The following KIRREL3 variants were observed in gnomAD, a reference collection of about 807,000 sequenced individuals.
KIRREL3 encodes kirre like nephrin family adhesion molecule 3.
A neutral mutation model predicts 89.7 loss-of-function variants in KIRREL3; 36 were observed. The observed-to-expected ratio is 0.40, with a 90% confidence interval of 0.31 to 0.53. The LOEUF is 0.53. KIRREL3 is among the 20% of genes least tolerant of loss of function. KIRREL3 has a pLI of 0.49. For missense variants in KIRREL3, 864 were observed against 1,056.6 expected, an observed-to-expected ratio of 0.82 and a Z score of 2.53; for synonymous variants, 445 against 441.4, an observed-to-expected ratio of 1.01 and a Z score of -0.10.
intron 1 of KIRREL3, among the ~76,000 whole-genome samples, chr11:126,959,783 T>C (rs1949029143): frequency 7.1e-6 from 1 of 140,498 alleles, no homozygotes; most frequent in Non-Finnish European, 1.6e-5. Flanking sequence ...GGGCCACCTC[T>C]TCTACACTCT....
At chr11:126,886,667 T>A (rs570878165) in intron 1 of KIRREL3, among the ~76,000 whole-genome samples, 1 of 152,304 alleles carries the variant, frequency 6.6e-6, no homozygotes, top group South Asian at 2.1e-4. Context: ...TAGAGCATTA[T>A]TGAACAGTTG....
chr11:126,744,091 T>C lies in KIRREL3; in HGVS notation c.56-181179A>G, dbSNP rs1488072661. ...AGAAAATGTTCCAGAAAGTTGGGAC[T>C]AGCCAAGGGGCAGAGGGCCCAGGAA... On this transcript the variant is annotated intron_variant, in intron 1 of 16. Transcript: ENST00000525144. This position sits in a 1 kb window ranked among gnomAD's most constrained non-coding sequence, Gnocchi z 4.7. Among the ~76,000 whole-genome samples the C allele has an allele frequency of 1.2e-4, 18 of 152,294 alleles. No homozygotes were observed. Among genetic ancestry groups the C allele is most frequent in the African/African-American group, 3.4e-4 (14 of 41,552 alleles).
intron 1 of KIRREL3, among the ~76,000 whole-genome samples, chr11:126,960,200 T>C (rs1949044047): frequency 6.6e-6 from 1 of 152,134 alleles, no homozygotes; most frequent in Non-Finnish European, 1.5e-5. Flanking sequence ...TTGTTTGCCA[T>C]AAATAAATAA....
At chr11:126,457,329 ATGTGTATATGTGTG>A (rs1338163550) in intron 6 of KIRREL3, among the ~76,000 whole-genome samples, 1 of 146,638 alleles carries the variant, frequency 6.8e-6, no homozygotes, top group African/African-American at 2.5e-5. Context: ...ATGCATGTGT[ATGTGTATATGTGTG>A]TGTGTATGTA....
At chr11:126,793,669 G>A (rs1185336307) in intron 1 of KIRREL3, among the ~76,000 whole-genome samples, 1 of 152,178 alleles carries the variant, frequency 6.6e-6, no homozygotes, top group Non-Finnish European at 1.5e-5. Flanking sequence ...TGGAATTTGA[G>A]AGACTAAACT....
chr11:126,426,364 G>A (rs536317665), intron 15 of KIRREL3, among the ~76,000 whole-genome samples: 1 of 152,200 alleles, frequency 6.6e-6, no homozygotes, highest in Admixed American at 6.5e-5. Flanking sequence ...CTTCCTGCTT[G>A]TCTCTGGGTC....
rs1946486009 is a variant in KIRREL3, at chr11:126,904,248, G to C, written c.55+96207C>G. ...CCGAACTTCAGATGAGATATTCCAAGTTTCATTTAGCACAACATATAGATG... is the reference window on the plus strand; with the variant it reads ...CCGAACTTCAGATGAGATATTCCAACTTTCATTTAGCACAACATATAGATG... On this transcript the variant is annotated intron_variant, in intron 1 of 16. Transcript: ENST00000525144. This position sits in a 1 kb window ranked among gnomAD's most constrained non-coding sequence, Gnocchi z 4.4. Among the ~76,000 whole-genome samples, 1 of 152,176 alleles carries C rather than the reference G, an allele frequency of 6.6e-6. No individual in the cohort carries two copies. Among genetic ancestry groups the C allele is most frequent in the East Asian group, 1.9e-4 (1 of 5,198 alleles).
chr11:126,470,010 G>C (rs1031319481), intron 5 of KIRREL3, among the ~76,000 whole-genome samples: 1 of 152,236 alleles, frequency 6.6e-6, no homozygotes. Context: ...TGCCGTTCCC[G>C]TCACAGGCCC....
chr11:126,871,062 T>G (rs976797460), intron 1 of KIRREL3, among the ~76,000 whole-genome samples: 1 of 152,178 alleles, frequency 6.6e-6, no homozygotes, highest in Non-Finnish European at 1.5e-5. Context: ...GAGCCTCTTT[T>G]GATGAAAGGA....
Position 126,431,131 on chromosome 11 carries a change from T to C in KIRREL3, c.1696+288A>G. The C allele has an allele frequency of 7.0e-7, 1 of 1,427,738 alleles. No individual in the cohort carries two copies. The allele number at this position is 1,427,738 out of a possible 1,614,324, so 88.4% of individuals were successfully genotyped here. On this transcript the variant is annotated intron_variant, in intron 14 of 16. Transcript: ENST00000525144. This position sits in a 1 kb window ranked among gnomAD's most constrained non-coding sequence, Gnocchi z 7.1. The stretch of plus-strand genomic sequence containing the variant: ...AACCGCTTTTCCCCCTATCTTTCTG[T>C]ACAGTTCCTGACTGAAAGAGCTATG...
Position 126,776,688 on chromosome 11 carries a change from C to A in KIRREL3, c.56-213776G>T, listed in dbSNP as rs1950178228. Among the ~76,000 whole-genome samples the A allele has an allele frequency of 6.6e-6, 1 of 152,192 alleles. No homozygotes were observed. Among genetic ancestry groups the A allele is most frequent in the Admixed American group, 6.5e-5 (1 of 15,290 alleles). ...GGGTCACAGAAGTCAACTGTTAAAACCTTGTGGTAATCCAAAGAGAACAGA... is the reference window on the plus strand; with the variant it reads ...GGGTCACAGAAGTCAACTGTTAAAAACTTGTGGTAATCCAAAGAGAACAGA... On this transcript the variant is annotated intron_variant, in intron 1 of 16. Transcript: ENST00000525144. The surrounding 1 kb of genome is among the most constrained non-coding windows in gnomAD (Gnocchi z 4.7).
rs1172912526 is a variant in KIRREL3, at chr11:126,761,538, T to A, written c.56-198626A>T. On this transcript the variant is annotated intron_variant, in intron 1 of 16. Coordinates refer to ENST00000525144, the MANE Select transcript of KIRREL3 (RefSeq NM_032531.4). This position sits in a 1 kb window ranked among gnomAD's most constrained non-coding sequence, Gnocchi z 4.4. ...AGTGCAATGTAAATGCTGGGAAGTG[T>A]CAAGATTAGTAAACAGGAAGAGGAT... Among the ~76,000 whole-genome samples the A allele has an allele frequency of 6.6e-6, 1 of 152,220 alleles. No individual in the cohort carries two copies. Among genetic ancestry groups the A allele is most frequent in the African/African-American group, 2.4e-5 (1 of 41,466 alleles).
Position 126,731,294 on chromosome 11 carries a change from G to T in KIRREL3, c.56-168382C>A, listed in dbSNP as rs145272780. ...ATCTGCCGTTCTCTGAGTAAATCAT[G>T]TTCTTCCATACCTCTGGGCCACTGC... On this transcript the variant is annotated intron_variant, in intron 1 of 16. Transcript: ENST00000525144. Among the ~76,000 whole-genome samples, 23 of 152,116 alleles carry T rather than the reference G, an allele frequency of 1.5e-4. 1 individual carries two copies. In the South Asian group the frequency reaches 4.6e-3, roughly 30 times the overall value.
Position 126,463,103 on chromosome 11 carries a change from G to T in KIRREL3, c.742+54C>A. The T allele has an allele frequency of 6.4e-7, 1 of 1,565,142 alleles. No individual in the cohort carries two copies. The highest frequency in any genetic ancestry group is 2.2e-5 in the East Asian group (1 of 44,476). The stretch of plus-strand genomic sequence containing the variant: ...GCCAGGCTATGGTCAGGGTTGCTGG[G>T]TGTTTCACCCTGGGCCTGGCAGGGC... On this transcript the variant is annotated intron_variant, in intron 6 of 16. Transcript: ENST00000525144. This position sits in a 1 kb window ranked among gnomAD's most constrained non-coding sequence, Gnocchi z 5.9.
rs115775204 is a variant in KIRREL3 at position 126,720,079 on chromosome 11, C to T, written c.56-157167G>A. 4.4e-3 allele frequency among the ~76,000 whole-genome samples: 667 copies of T among 152,310 alleles called. 7 individuals carry two copies. Among genetic ancestry groups the T allele is most frequent in the African/African-American group, 0.016 (649 of 41,558 alleles). On this transcript the variant is annotated intron_variant, in intron 1 of 16. Transcript: ENST00000525144. ...AGGCTCCCTCTTCAGCTTCTTGGTC[C>T]TTACTATTTTTCCTGCCTCTTGACT... is the stretch of plus-strand genomic sequence containing the variant.
In KIRREL3 at chr11:126,609,489, A is replaced by G. The variant is rs1283613687; in HGVS notation, c.56-46577T>C. Among the ~76,000 whole-genome samples, 1 of 152,122 alleles carries G rather than the reference A, an allele frequency of 6.6e-6. No homozygotes were observed. The highest frequency in any genetic ancestry group is 1.5e-5 in the Non-Finnish European group (1 of 68,040). On this transcript the variant is annotated intron_variant, in intron 1 of 16. Transcript: ENST00000525144. The surrounding 1 kb of genome is among the most constrained non-coding windows in gnomAD (Gnocchi z 5.0). The stretch of plus-strand genomic sequence containing the variant: ...CCTACCTGAAGTGAATGTGAGGCCG[A>G]GAGGCTTCGTGAAAGGTTAAGTGGG...
rs1046961184 is a variant in KIRREL3 at position 126,558,434 on chromosome 11, A to G, written c.133+4401T>C. 6.6e-6 allele frequency among the ~76,000 whole-genome samples: 1 copy of G among 152,130 alleles called. No homozygotes were observed. Among genetic ancestry groups the G allele is most frequent in the Non-Finnish European group, 1.5e-5 (1 of 68,034 alleles). On this transcript the variant is annotated intron_variant, in intron 2 of 16. Coordinates refer to ENST00000525144, the MANE Select transcript of KIRREL3 (RefSeq NM_032531.4). This position sits in a 1 kb window ranked among gnomAD's most constrained non-coding sequence, Gnocchi z 4.0. Reference sequence around the variant, plus strand: ...AAATGAAACCAAGCTGAAGTGTTAGAGGCTTTCCCTCTGCTCATGGTCTCA... The same window carrying G: ...AAATGAAACCAAGCTGAAGTGTTAGGGGCTTTCCCTCTGCTCATGGTCTCA...
At chr11:126,745,194 G>A (rs906833463) in intron 1 of KIRREL3, among the ~76,000 whole-genome samples, 2 of 152,164 alleles carry the variant, frequency 1.3e-5, no homozygotes, top group Non-Finnish European at 2.9e-5. Flanking sequence ...CTGAATTTGA[G>A]CTGTGGTGAT....
chr11:126,959,155 C>T (rs1443739147), intron 1 of KIRREL3, among the ~76,000 whole-genome samples: 1 of 152,204 alleles, frequency 6.6e-6, no homozygotes, highest in African/African-American at 2.4e-5. Context: ...GCTGTTGTGC[C>T]AGCTTGTGGA....
Sources: allele counts gnomAD v4.1 joint callset (sites outside exome capture counted in the v4.1 genomes callset), GRCh38; gene constraint gnomAD v4.1.1; non-coding constraint Gnocchi (gnomAD v3.1); transcripts MANE v1.5; gene names NCBI Gene and HGNC (gene_info 2026-07-23, HGNC 2026-07-21).